ZBTB20: variants seen among roughly 807,000 people sequenced by gnomAD.
The protein encoded by ZBTB20 is zinc finger and BTB domain containing 20.
In ZBTB20, 9 loss-of-function variants were observed where a neutral mutation model predicts 56.9. The observed-to-expected ratio is 0.16, with a 90% confidence interval of 0.10 to 0.28. The LOEUF (loss-of-function observed/expected upper bound fraction) is 0.28. Among genes scored for constraint, ZBTB20 ranks in the 10% least tolerant of loss-of-function variants. The probability of loss-of-function intolerance (pLI) is 1.00; values close to 1 mark genes in which losing one functional copy is unlikely to be tolerated. For synonymous variants in ZBTB20, 417 were observed against 420.7 expected (o/e 0.99, Z 0.11); for missense variants, 655 against 1,003.0 (o/e 0.65, Z 4.69).
At chr3:115,113,296 T>C (rs748230413) in intron 1 of ZBTB20, among the ~76,000 whole-genome samples, 17 of 152,258 alleles carry the variant, frequency 1.1e-4, no homozygotes, top group Non-Finnish European at 5.9e-5. Flanking sequence ...ATGTGTCTCT[T>C]GACTTCGATT....
At position 114,623,595 on chromosome 3, in the gene ZBTB20, G is replaced by C. The variant is rs539314844; in HGVS notation, c.-295+69933C>G. ...AAAAGCAACCAGTTGTTAGCAAAGT[G>C]ATCTTTAGAACAGTATTAGCAAGAA... On this transcript the variant is annotated intron_variant, in intron 6 of 11. Transcript: ENST00000675478. Among the ~76,000 whole-genome samples, 4 of 152,272 alleles carry C rather than the reference G, an allele frequency of 2.6e-5. No individual in the cohort carries two copies. The South Asian group carries it at 8.3e-4, about 32-fold the overall frequency.
In ZBTB20 at chr3:114,539,118, A is replaced by T. The variant is rs145639355; in HGVS notation, c.-294-38727T>A. 3.8e-3 allele frequency among the ~76,000 whole-genome samples: 586 copies of T among 152,256 alleles called. 6 individuals are homozygous for T. The highest frequency in any genetic ancestry group is 0.013 in the African/African-American group (560 of 41,548). On this transcript the variant is annotated intron_variant, in intron 6 of 11. Transcript: ENST00000675478. ...TTTTTCATCCTGTCATCTTTAGTGT[A>T]TAAGTGTCCAGGCTCCTTCCAATTT...
intron 1 of ZBTB20, among the ~76,000 whole-genome samples, chr3:115,144,125 C>G (rs1306159313): frequency 1.3e-5 from 2 of 152,156 alleles, no homozygotes; most frequent in Admixed American, 1.3e-4. Context: ...TAAAGCAAAG[C>G]CCATCAATCT....
rs113845236 is a variant in ZBTB20 at position 115,088,758 on chromosome 3, G to T, written c.-702-17344C>A. ...AATGCTCAAGAGTCAGTTTTTAGAT[G>T]TTATGAAGCACTGAGGCATTGATGC... is the stretch of plus-strand genomic sequence containing the variant. On this transcript the variant is annotated intron_variant, in intron 1 of 11. Coordinates refer to ENST00000675478, the MANE Select transcript of ZBTB20 (RefSeq NM_001348800.3). Among the ~76,000 whole-genome samples the T allele has an allele frequency of 7.7e-3, 1,165 of 151,808 alleles. 17 individuals are homozygous for T. The highest frequency in any genetic ancestry group is 0.026 in the African/African-American group (1,084 of 41,458).
At chr3:115,014,299 G>T (rs2079851455) in intron 2 of ZBTB20, among the ~76,000 whole-genome samples, 1 of 151,568 alleles carries the variant, frequency 6.6e-6, no homozygotes, top group Admixed American at 6.6e-5. Context: ...AGTGGGGATG[G>T]TTAATGGGTT....
intron 4 of ZBTB20, among the ~76,000 whole-genome samples, chr3:114,810,544 C>T (rs754291920): frequency 6.6e-6 from 1 of 152,046 alleles, no homozygotes; most frequent in African/African-American, 2.4e-5. Context: ...ACTGTGGGGA[C>T]GGATAATAGG....
intron 6 of ZBTB20, among the ~76,000 whole-genome samples, chr3:114,676,246 C>T (rs144009131): frequency 2.0e-5 from 3 of 152,270 alleles, no homozygotes; most frequent in African/African-American, 7.2e-5. Context: ...TAGAATAACA[C>T]AGTAGTTAAA....
intron 7 of ZBTB20, among the ~76,000 whole-genome samples, chr3:114,437,277 G>GTTTATCAAAATGCC (rs2090581534): frequency 6.6e-6 from 1 of 152,138 alleles, no homozygotes; most frequent in Admixed American, 6.6e-5. Context: ...AGATGTCATG[G>GTTTATCAAAATGCC]TTTATCAAAA....
intron 8 of ZBTB20, among the ~76,000 whole-genome samples, chr3:114,384,238 T>C (rs1028565419): frequency 6.7e-6 from 1 of 148,198 alleles, no homozygotes; most frequent in Non-Finnish European, 1.5e-5. Flanking sequence ...AACCGGAAAA[T>C]GAAAGCTCCA....
chr3:114,340,428 C>T (rs1308253613), intron 11 of ZBTB20, among the ~76,000 whole-genome samples: 2 of 152,134 alleles, frequency 1.3e-5, no homozygotes, highest in Non-Finnish European at 2.9e-5. Context: ...AGTTTTCCTG[C>T]GTCCTCCTTT....
At chr3:114,514,607 A>C (rs1029680228) in intron 6 of ZBTB20, among the ~76,000 whole-genome samples, 2 of 152,182 alleles carry the variant, frequency 1.3e-5, no homozygotes, top group African/African-American at 2.4e-5. Flanking sequence ...GGATTAAACA[A>C]AATCCAATAG....
intron 3 of ZBTB20, chr3:114,904,438 CA>C (rs2075246540): frequency 6.6e-6 from 1 of 151,944 alleles, no homozygotes; most frequent in African/African-American, 2.4e-5. Context: ...ACATGCTTTA[CA>C]TTTAAATTTG....
At chr3:114,524,946 TCAAA>T (rs1259510763) in intron 6 of ZBTB20, among the ~76,000 whole-genome samples, 13 of 152,276 alleles carry the variant, frequency 8.5e-5, no homozygotes, top group Non-Finnish European at 1.6e-4. Context: ...ACTCCTGACC[TCAAA>T]CAATCCACCT....
At chr3:114,657,535 C>A (rs2060482684) in intron 6 of ZBTB20, among the ~76,000 whole-genome samples, 1 of 152,204 alleles carries the variant, frequency 6.6e-6, no homozygotes, top group Admixed American at 6.5e-5. Context: ...TATGTAGATT[C>A]ATGGGAGCCT....
chr3:114,863,692 T>C (rs1343023943), intron 4 of ZBTB20, among the ~76,000 whole-genome samples: 2 of 152,132 alleles, frequency 1.3e-5, no homozygotes, highest in Non-Finnish European at 2.9e-5. Flanking sequence ...GAATTTATTT[T>C]ACTCTGATAA....
intron 2 of ZBTB20, among the ~76,000 whole-genome samples, chr3:115,018,028 TTTG>T (rs1316255453): frequency 7.9e-5 from 12 of 151,518 alleles, no homozygotes; most frequent in Non-Finnish European, 1.8e-4. Context: ...CCTAAGGATT[TTTG>T]TTGTTGTTTT....
At chr3:114,920,515 C>T (rs2075916245) in intron 3 of ZBTB20, among the ~76,000 whole-genome samples, 1 of 151,956 alleles carries the variant, frequency 6.6e-6, no homozygotes, top group Admixed American at 6.6e-5. Context: ...AAACATGTGG[C>T]AATTAAATAA....
intron 7 of ZBTB20, among the ~76,000 whole-genome samples, chr3:114,407,859 AC>A (rs1178067065): frequency 6.6e-6 from 1 of 150,880 alleles, no homozygotes; most frequent in African/African-American, 2.4e-5. Context: ...CAAACTAATA[AC>A]CTTAAAACTG....
chr3:114,892,902 C>T (rs539351935), intron 4 of ZBTB20, among the ~76,000 whole-genome samples: 4 of 152,212 alleles, frequency 2.6e-5, no homozygotes, highest in East Asian at 1.9e-4. Context: ...TGGGGGAATG[C>T]GATGTTTTAT....
Sources: gnomAD v4.1 joint callset for allele counts (sites outside exome capture counted in the v4.1 genomes callset) on GRCh38, gnomAD v4.1.1 for gene constraint, MANE v1.5 for transcripts, NCBI Gene and HGNC (gene_info 2026-07-23, HGNC 2026-07-21) for gene names.